Variants in LRRTM3 observed in about 807,000 individuals in gnomAD.
The protein encoded by LRRTM3 is leucine rich repeat transmembrane neuronal 3.
A neutral mutation model predicts 44.7 loss-of-function variants in LRRTM3; 24 were observed. The observed-to-expected ratio is 0.54, with a 90% CI of 0.39 to 0.76. The LOEUF (loss-of-function observed/expected upper bound fraction) is 0.76. LRRTM3 is among the 30% of genes least tolerant of loss of function. LRRTM3 has a pLI of 0.00. For synonymous variants in LRRTM3, 277 were observed against 278.7 expected, an observed-to-expected ratio of 0.99 and a Z score of 0.06; for missense variants, 587 against 702.2, an observed-to-expected ratio of 0.84 and a Z score of 1.85.
At chr10:67,083,411 G>A (rs922181965) in intron 2 of LRRTM3, among the ~76,000 whole-genome samples, 12 of 151,216 alleles carry the variant, frequency 7.9e-5, no homozygotes, top group African/African-American at 2.9e-4. Flanking sequence ...AAAAAAAAAA[G>A]TATAGTCCTA....
At chr10:67,009,225 C>A (rs1046029019) in intron 2 of LRRTM3, among the ~76,000 whole-genome samples, 1 of 152,112 alleles carries the variant, frequency 6.6e-6, no homozygotes, top group African/African-American at 2.4e-5. Context: ...TTCAAGAATA[C>A]AAATTATATT....
chr10:66,934,565 A>G (rs1847586567), intron 2 of LRRTM3, among the ~76,000 whole-genome samples: 1 of 152,164 alleles, frequency 6.6e-6, no homozygotes. Context: ...ATGATTTGCA[A>G]TTGAAAAAAC....
At chr10:66,935,046 T>G (rs1214922568) in intron 2 of LRRTM3, among the ~76,000 whole-genome samples, 1 of 152,074 alleles carries the variant, frequency 6.6e-6, no homozygotes, top group Admixed American at 6.6e-5. Context: ...GTGGCCCTCA[T>G]GTAGCTAAAA....
At chr10:67,010,897 T>C (rs985958500) in intron 2 of LRRTM3, among the ~76,000 whole-genome samples, 2 of 152,194 alleles carry the variant, frequency 1.3e-5, no homozygotes, top group Non-Finnish European at 2.9e-5. Context: ...CATTATTTCT[T>C]CTAAACCTAA....
At chr10:67,020,390 A>G (rs1458457410) in intron 2 of LRRTM3, among the ~76,000 whole-genome samples, 2 of 152,132 alleles carry the variant, frequency 1.3e-5, no homozygotes, top group Non-Finnish European at 2.9e-5. Flanking sequence ...CTGAGCTTTT[A>G]TTATCTTCTC....
chr10:67,082,127 A>G (rs762979074), intron 2 of LRRTM3, among the ~76,000 whole-genome samples: 1 of 152,208 alleles, frequency 6.6e-6, no homozygotes, highest in Non-Finnish European at 1.5e-5. Context: ...TGCTATAGAG[A>G]GGATTTTTTA....
At chr10:67,083,467 T>A (rs912088337) in intron 2 of LRRTM3, among the ~76,000 whole-genome samples, 2 of 152,168 alleles carry the variant, frequency 1.3e-5, no homozygotes, top group Admixed American at 6.6e-5. Flanking sequence ...GATCCCACTG[T>A]GTTATGTTTC....
At chr10:67,020,031 C>G (rs548891391) in intron 2 of LRRTM3, among the ~76,000 whole-genome samples, 94 of 151,954 alleles carry the variant, frequency 6.2e-4, no homozygotes, top group Non-Finnish European at 1.2e-3. Context: ...CTTTCCCTCA[C>G]TGTGTCAAGA....
intron 2 of LRRTM3, among the ~76,000 whole-genome samples, chr10:66,981,869 TC>T (rs1462238889): frequency 1.3e-5 from 2 of 152,158 alleles, no homozygotes; most frequent in Non-Finnish European, 2.9e-5. Context: ...TCTATAATTT[TC>T]CCACTTACTT....
intron 2 of LRRTM3, among the ~76,000 whole-genome samples, chr10:67,021,208 C>A (rs1852988478): frequency 6.6e-6 from 1 of 151,978 alleles, no homozygotes; most frequent in South Asian, 2.1e-4. Flanking sequence ...TTATCCAACA[C>A]AATACTGGGA....
At chr10:67,062,116 T>A (rs1429848139) in intron 2 of LRRTM3, among the ~76,000 whole-genome samples, 2 of 152,156 alleles carry the variant, frequency 1.3e-5, no homozygotes, top group Admixed American at 1.3e-4. Context: ...ATATACATTA[T>A]CTCTTAGGAT....
intron 2 of LRRTM3, among the ~76,000 whole-genome samples, chr10:66,943,817 G>A (rs1056083168): frequency 2.0e-5 from 3 of 152,164 alleles, no homozygotes. Context: ...TAAAAGCTAT[G>A]TTTATGCTGT....
At chr10:66,974,022 AACC>A (rs1009258966) in intron 2 of LRRTM3, among the ~76,000 whole-genome samples, 1 of 152,188 alleles carries the variant, frequency 6.6e-6, no homozygotes, top group Non-Finnish European at 1.5e-5. Context: ...ACACCAGTGT[AACC>A]ACCACACAAA....
At chr10:67,031,996 C>T (rs192327929) in intron 2 of LRRTM3, among the ~76,000 whole-genome samples, 108 of 152,232 alleles carry the variant, frequency 7.1e-4, no homozygotes, top group African/African-American at 2.2e-3. Flanking sequence ...AACAAAAACA[C>T]GGTGTATATA....
chr10:67,048,015 C>A (rs1854857499), intron 2 of LRRTM3, among the ~76,000 whole-genome samples: 1 of 152,062 alleles, frequency 6.6e-6, no homozygotes, highest in Admixed American at 6.5e-5. Context: ...ACCATGTGTT[C>A]TTTCTAAGAA....
chr10:66,988,982 C>T (rs1850887121), intron 2 of LRRTM3, among the ~76,000 whole-genome samples: 1 of 151,242 alleles, frequency 6.6e-6, no homozygotes, highest in Non-Finnish European at 1.5e-5. Flanking sequence ...CTTTGGTCCT[C>T]GATGTTTCCT....
intron 2 of LRRTM3, among the ~76,000 whole-genome samples, chr10:67,042,523 G>C (rs953296991): frequency 4.0e-4 from 61 of 152,068 alleles, no homozygotes; most frequent in African/African-American, 1.4e-3. Flanking sequence ...AAGACATAGA[G>C]TGTGGCAGTG....
At chr10:66,945,908 T>A (rs1285196114) in intron 2 of LRRTM3, among the ~76,000 whole-genome samples, 1 of 152,142 alleles carries the variant, frequency 6.6e-6, no homozygotes, top group African/African-American at 2.4e-5. Flanking sequence ...ATTAAGTTTG[T>A]CAGATTCTAT....
intron 2 of LRRTM3, among the ~76,000 whole-genome samples, chr10:66,931,977 C>A (rs1316884974): frequency 1.3e-5 from 2 of 152,076 alleles, no homozygotes; most frequent in African/African-American, 4.8e-5. Context: ...TCAAAAGAGT[C>A]AGCATCAGTC....
Sources: gnomAD v4.1 joint callset for allele counts (sites outside exome capture counted in the v4.1 genomes callset) on GRCh38, gnomAD v4.1.1 for gene constraint, MANE v1.5 for transcripts, NCBI Gene and HGNC (gene_info 2026-07-23, HGNC 2026-07-21) for gene names.